Variants in PTPDC1 observed in about 807,000 individuals in gnomAD.
PTPDC1 encodes protein tyrosine phosphatase domain containing 1.
In PTPDC1, 53 loss-of-function variants were observed where a neutral mutation model predicts 75.3. That is an observed-to-expected ratio of 0.70 (90% confidence interval 0.56 to 0.88). The LOEUF (loss-of-function observed/expected upper bound fraction) is 0.88. Among genes scored for constraint, PTPDC1 ranks in the 40% least tolerant of loss-of-function variants. PTPDC1 has a pLI of 0.00. For missense variants in PTPDC1, 925 were observed against 998.6 expected (o/e 0.93, Z 0.99); for synonymous variants, 349 against 366.2 (o/e 0.95, Z 0.54).
chr9:94,033,285 A>G (rs1396901382), intron 1 of PTPDC1, among the ~76,000 whole-genome samples: 2 of 152,230 alleles, frequency 1.3e-5, no homozygotes, highest in Admixed American at 6.5e-5. Flanking sequence ...CATGTTTTAT[A>G]TAAGTTACTT....
intron 2 of PTPDC1, among the ~76,000 whole-genome samples, chr9:94,072,461 A>G (rs949828743): frequency 6.6e-6 from 1 of 152,128 alleles, no homozygotes; most frequent in African/African-American, 2.4e-5. Context: ...TTTCTTACAT[A>G]AACAATCATG....
Position 94,068,112 on chromosome 9 carries a change from A to G in PTPDC1, c.82+3291A>G, listed in dbSNP as rs562869900. ...AAGACTGTTTCATGGGCAGTGCTAT[A>G]TTCCTCCCTCAGGATGCCCAGGCTG... On this transcript the variant is annotated intron_variant, in intron 2 of 9. Coordinates refer to the PTPDC1 transcript ENST00000375360. 6.4e-4 allele frequency among the ~76,000 whole-genome samples: 98 copies of G among 152,060 alleles called. 1 individual carries two copies. Among genetic ancestry groups the G allele is most frequent in the African/African-American group, 2.2e-3 (93 of 41,484 alleles).
At chr9:94,101,992 T>G (rs1193175068) in intron 7 of PTPDC1, among the ~76,000 whole-genome samples, 4 of 152,236 alleles carry the variant, frequency 2.6e-5, no homozygotes, top group Non-Finnish European at 5.9e-5. Context: ...TTTTCAAACA[T>G]TTTAAACTTA....
In PTPDC1 at chr9:94,044,532, A is replaced by T. The variant is rs535431931; in HGVS notation, c.-7+13405A>T. ...TTTTCTCATCGTTCAGTTCCCATTT[A>T]TAAGTGAGAACATGTGGCCTGCATC... On this transcript the variant is annotated intron_variant, in intron 1 of 9. Transcript: ENST00000375360. Among the ~76,000 whole-genome samples, 5 of 151,996 alleles carry T rather than the reference A, an allele frequency of 3.3e-5. No homozygotes were observed. The South Asian group carries it at 1.0e-3, about 32-fold the overall frequency.
intron 1 of PTPDC1, among the ~76,000 whole-genome samples, chr9:94,048,612 G>A (rs879134939): frequency 1.3e-5 from 2 of 152,110 alleles, no homozygotes; most frequent in Non-Finnish European, 2.9e-5. Context: ...GCCGAGGAGT[G>A]CTTTACTTCC....
At chr9:94,095,475 T>C (rs370796759) in intron 5 of PTPDC1, 21 bp downstream of exon 5, 72 of 1,583,572 alleles carry the variant, frequency 4.5e-5, no homozygotes, top group Non-Finnish European at 5.9e-5. Context: ...AGAGGTGGTT[T>C]ATTGCCTGTA....
At chr9:94,085,008 G>A (rs1054372481) in intron 1 of PTPDC1, among the ~76,000 whole-genome samples, 2 of 152,124 alleles carry the variant, frequency 1.3e-5, no homozygotes, top group Non-Finnish European at 2.9e-5. Context: ...TAAAACATCT[G>A]CTTCTACAGT....
chr9:94,046,812 C>T (rs1237271276), intron 1 of PTPDC1, among the ~76,000 whole-genome samples: 1 of 152,152 alleles, frequency 6.6e-6, no homozygotes, highest in African/African-American at 2.4e-5. Flanking sequence ...TTGACTTCCT[C>T]TTTTCCTAAT....
At chr9:94,092,061 G>A (rs974699379) in intron 4 of PTPDC1, among the ~76,000 whole-genome samples, 5 of 150,246 alleles carry the variant, frequency 3.3e-5, no homozygotes, top group Admixed American at 6.6e-5. Context: ...TTTATTGAAG[G>A]GTTTTTTGTG....
intron 2 of PTPDC1, among the ~76,000 whole-genome samples, chr9:94,074,656 A>G (rs1181669010): frequency 6.6e-6 from 1 of 152,120 alleles, no homozygotes; most frequent in Non-Finnish European, 1.5e-5. Context: ...GGAAATGGGA[A>G]TGTTGACTAT....
intron 1 of PTPDC1, among the ~76,000 whole-genome samples, chr9:94,043,092 T>A (rs945884874): frequency 6.6e-6 from 1 of 152,210 alleles, no homozygotes; most frequent in Non-Finnish European, 1.5e-5. Context: ...CTTGAACCTC[T>A]CCAAGTCATC....
At position 94,095,426 on chromosome 9, in the gene PTPDC1, C is replaced by T; in HGVS notation, c.726C>T (p.Ile242=). The T allele has an allele frequency of 6.2e-7, 1 of 1,613,716 alleles. No homozygotes were observed. Among genetic ancestry groups the T allele is most frequent in the Non-Finnish European group, 8.5e-7 (1 of 1,179,752 alleles). ...CCTTACAGGAAGGAAAAGTAGCTAT[C>T]CATTGTCATGCAGGGCTTGGTCGAA... ...TFALQEGKVA[I]HCHAGLGRTG... is the part of the protein sequence containing the mutation. The change falls in exon 5 of 9, where the codon ATC becomes ATT. Residue 242 remains isoleucine (I), a synonymous_variant. Transcript: ENST00000620992.
intron 1 of PTPDC1, among the ~76,000 whole-genome samples, chr9:94,047,728 A>C (rs1564010375): frequency 6.6e-6 from 1 of 152,208 alleles, no homozygotes; most frequent in Non-Finnish European, 1.5e-5. Context: ...AAAAATGATA[A>C]AGGGGATATC....
rs560359837 is a variant in PTPDC1 at position 94,104,373 on chromosome 9, G to A, written c.2298G>A (p.Lys766=). The change falls in exon 8 of 9, where the codon AAG becomes AAA. Residue 766 remains lysine, a synonymous_variant. Coordinates refer to ENST00000620992, the MANE Select transcript of PTPDC1 (RefSeq NM_001253829.2). ...VEEAFLAHAI[K]AFTKVNFDSE... The stretch of plus-strand genomic sequence containing the variant: ...AAGCTTTCCTTGCCCATGCCATTAA[G>A]GCATTCACTAAGGTGGGTCATACTC... 4 of 1,611,690 alleles carry A rather than the reference G, an allele frequency of 2.5e-6. No individual in the cohort carries two copies. The South Asian group carries it at 4.4e-5, about 18-fold the overall frequency.
At chr9:94,101,529 T>C (rs1827841406) in intron 6 of PTPDC1, 37 bp from the exon 7 acceptor site, 2 of 1,532,540 alleles carry the variant, frequency 1.3e-6, no homozygotes, top group Non-Finnish European at 9.0e-7. Flanking sequence ...TCCCTGTCTC[T>C]GTCTCTGTCT....
upstream of PTPDC1, among the ~76,000 whole-genome samples, chr9:94,082,394 T>C (rs73518262): frequency 0.017 from 2,612 of 152,330 alleles, 80 homozygotes; most frequent in African/African-American, 0.061. Context: ...TTACTAGTTC[T>C]TGGTGTTCTA....
intron 1 of PTPDC1, among the ~76,000 whole-genome samples, chr9:94,051,069 G>A (rs10761314): frequency 0.15 from 22,208 of 152,110 alleles, 1,870 homozygotes; most frequent in East Asian, 0.28. Flanking sequence ...GAAAAGTGCC[G>A]AATTAGGGTG....
upstream of PTPDC1, among the ~76,000 whole-genome samples, chr9:94,083,106 C>G (rs1208245500): frequency 1.3e-5 from 2 of 152,178 alleles, no homozygotes; most frequent in Non-Finnish European, 2.9e-5. Flanking sequence ...CTTAGACTCC[C>G]TCTTACACAG....
At chr9:94,047,186 G>C (rs1413330931) in intron 1 of PTPDC1, among the ~76,000 whole-genome samples, 2 of 152,134 alleles carry the variant, frequency 1.3e-5, no homozygotes, top group Non-Finnish European at 2.9e-5. Flanking sequence ...TGCATCCCAG[G>C]GATGAAGCCC....
Sources: gnomAD v4.1 joint callset for allele counts (sites outside exome capture counted in the v4.1 genomes callset) on GRCh38, gnomAD v4.1.1 for gene constraint, MANE v1.5 for transcripts, NCBI Gene and HGNC (gene_info 2026-07-23, HGNC 2026-07-21) for gene names.